CNTNAP2: variants seen among roughly 807,000 people sequenced by gnomAD.
CNTNAP2 encodes contactin-associated protein-like 2.
Under a neutral mutation model 155.2 loss-of-function variants are expected in CNTNAP2, and 98 were observed. The observed-to-expected ratio is 0.63, with a 90% CI of 0.54 to 0.75. The LOEUF is 0.75. CNTNAP2 is among the 30% of genes least tolerant of loss of function. The probability of loss-of-function intolerance (pLI) is 0.00; values close to 1 mark genes in which losing one functional copy is unlikely to be tolerated. For missense variants in CNTNAP2, 1,727 were observed against 1,688.1 expected (o/e 1.02, Z -0.40); for synonymous variants, 651 against 631.2 (o/e 1.03, Z -0.47).
intron 9 of CNTNAP2, among the ~76,000 whole-genome samples, chr7:147,310,110 C>G (rs917477749): frequency 1.3e-5 from 2 of 152,038 alleles, no homozygotes; most frequent in Non-Finnish European, 2.9e-5. Flanking sequence ...CCAAGATTCC[C>G]AAGACTTTTT....
intron 1 of CNTNAP2, among the ~76,000 whole-genome samples, chr7:146,406,284 C>A (rs1795790447): frequency 6.6e-6 from 1 of 152,166 alleles, no homozygotes; most frequent in Non-Finnish European, 1.5e-5. Context: ...AAATCAGAAT[C>A]CACAAATTCT....
At chr7:146,188,368 G>A (rs984236293) in intron 1 of CNTNAP2, among the ~76,000 whole-genome samples, 1 of 152,146 alleles carries the variant, frequency 6.6e-6, no homozygotes, top group East Asian at 1.9e-4. Context: ...AGAGAGCTTG[G>A]CAGTCATTTA....
intron 1 of CNTNAP2, among the ~76,000 whole-genome samples, chr7:146,180,276 G>A (rs537197980): frequency 5.3e-5 from 8 of 151,872 alleles, no homozygotes; most frequent in African/African-American, 1.4e-4. Flanking sequence ...AGATGTGCCC[G>A]CCTTTCTTTT....
intron 1 of CNTNAP2, among the ~76,000 whole-genome samples, chr7:146,617,589 G>C (rs560907638): frequency 6.6e-6 from 1 of 152,016 alleles, no homozygotes; most frequent in Non-Finnish European, 1.5e-5. Flanking sequence ...TTAAAATAAT[G>C]GTTTATCTAG....
chr7:146,459,370 C>T (rs1308547526), intron 1 of CNTNAP2, among the ~76,000 whole-genome samples: 2 of 152,114 alleles, frequency 1.3e-5, no homozygotes, highest in Non-Finnish European at 2.9e-5. Context: ...GGTATTACCA[C>T]CTCACTCCCT....
At chr7:146,371,320 T>G (rs979319873) in intron 1 of CNTNAP2, among the ~76,000 whole-genome samples, 2 of 151,364 alleles carry the variant, frequency 1.3e-5, no homozygotes, top group Non-Finnish European at 2.9e-5. Flanking sequence ...TCTATCCTTT[T>G]AAACTTATGT....
intron 13 of CNTNAP2, among the ~76,000 whole-genome samples, chr7:147,859,287 T>C (rs1175269680): frequency 6.6e-6 from 1 of 152,120 alleles, no homozygotes; most frequent in Non-Finnish European, 1.5e-5. Flanking sequence ...GTTCTAGTCA[T>C]CTGTTATGTT....
chr7:147,701,507 T>G (rs1239663897), intron 13 of CNTNAP2, among the ~76,000 whole-genome samples: 1 of 152,182 alleles, frequency 6.6e-6, no homozygotes, highest in Non-Finnish European at 1.5e-5. Context: ...TTGATACATT[T>G]TATTAAATTA....
At chr7:147,669,327 G>A (rs76768888) in intron 13 of CNTNAP2, among the ~76,000 whole-genome samples, 6,149 of 152,232 alleles carry the variant, frequency 0.04, 138 homozygotes, top group Middle Eastern at 0.13. Flanking sequence ...AAATGTTAAT[G>A]TGAAAATCAT....
chr7:148,107,600 C>CA (rs113542738), intron 15 of CNTNAP2, among the ~76,000 whole-genome samples: 1,656 of 152,112 alleles, frequency 0.011, 35 homozygotes, highest in African/African-American at 0.038. Flanking sequence ...CCTGAATGTA[C>CA]AAAAAAGGTT....
At chr7:146,639,459 T>C (rs1799667837) in intron 1 of CNTNAP2, among the ~76,000 whole-genome samples, 1 of 127,758 alleles carries the variant, frequency 7.8e-6, no homozygotes, top group Admixed American at 7.2e-5. Context: ...AGATAGATTC[T>C]CTGATTATTC....
chr7:148,197,917 TTC>T (rs1237614795), intron 18 of CNTNAP2, among the ~76,000 whole-genome samples: 1 of 152,248 alleles, frequency 6.6e-6, no homozygotes, highest in Admixed American at 6.5e-5. Context: ...TACAGATTAG[TTC>T]TTCAAGTTCC....
chr7:147,184,669 A>C (rs549516554), intron 8 of CNTNAP2, among the ~76,000 whole-genome samples: 1 of 152,156 alleles, frequency 6.6e-6, no homozygotes, highest in Non-Finnish European at 1.5e-5. Context: ...ATTGTGAGTC[A>C]GCACATTAAT....
intron 4 of CNTNAP2, among the ~76,000 whole-genome samples, chr7:147,085,522 A>G (rs767388974): frequency 3.3e-5 from 5 of 152,162 alleles, no homozygotes; most frequent in Non-Finnish European, 7.3e-5. Context: ...CCCACCCCCA[A>G]GCCCAACCTG....
chr7:146,182,872 G>T (rs1374718500), intron 1 of CNTNAP2, among the ~76,000 whole-genome samples: 1 of 152,098 alleles, frequency 6.6e-6, no homozygotes, highest in Middle Eastern at 3.4e-3. Flanking sequence ...CTAATATGCT[G>T]TATCTGTACT....
intron 1 of CNTNAP2, among the ~76,000 whole-genome samples, chr7:146,541,021 A>G (rs1234284880): frequency 1.3e-5 from 2 of 151,976 alleles, no homozygotes; most frequent in South Asian, 2.1e-4. Flanking sequence ...AAACCTATAA[A>G]GCATAATTGT....
intron 20 of CNTNAP2, among the ~76,000 whole-genome samples, chr7:148,255,423 A>C (rs1310395201): frequency 1.3e-5 from 2 of 152,258 alleles, no homozygotes; most frequent in African/African-American, 4.8e-5. Flanking sequence ...TTATTGATAG[A>C]AAATCCGTTT....
chr7:146,915,794 T>C (rs10262885), intron 3 of CNTNAP2: 6,530 of 152,196 alleles, frequency 0.043, 153 homozygotes, highest in South Asian at 0.079. Flanking sequence ...TCTCTACTGA[T>C]TTAGATACAC....
chr7:148,195,837 G>C (rs1179408282), intron 18 of CNTNAP2, among the ~76,000 whole-genome samples: 3 of 151,796 alleles, frequency 2.0e-5, no homozygotes, highest in African/African-American at 7.3e-5. Context: ...ACCCCCTTTA[G>C]AGAAATCACT....
Sources: allele counts gnomAD v4.1 joint callset (sites outside exome capture counted in the v4.1 genomes callset), GRCh38; gene constraint gnomAD v4.1.1; transcripts MANE v1.5; gene names NCBI Gene and HGNC (gene_info 2026-07-23, HGNC 2026-07-21).